SMC6: variants seen among roughly 807,000 people sequenced by gnomAD.
The protein encoded by SMC6 is structural maintenance of chromosomes 6, also known as structural maintenance of chromosomes protein 6.
Under a neutral mutation model 142.2 loss-of-function variants are expected in SMC6, and 79 were observed. The ratio of observed to expected loss-of-function variants is 0.56; its 90% confidence interval spans 0.46 to 0.67. The LOEUF is 0.67. SMC6 is among the 30% of genes least tolerant of loss of function. The pLI, the probability that SMC6 is intolerant of heterozygous loss-of-function variation, is 0.00. For missense variants in SMC6, 1,072 were observed against 1,284.0 expected (o/e 0.83, Z 2.52); for synonymous variants, 411 against 412.4 (o/e 1.00, Z 0.04).
chr2:17,735,347 T>G (rs368234720), intron 5 of SMC6, among the ~76,000 whole-genome samples: 1 of 151,792 alleles, frequency 6.6e-6, no homozygotes, highest in Non-Finnish European at 1.5e-5. Context: ...TCAGGAACAA[T>G]CTATCTACAC....
At chr2:17,680,448 TC>T (rs1667190629) in intron 24 of SMC6, 2 of 152,210 alleles carry the variant, frequency 1.3e-5, no homozygotes, top group African/African-American at 4.8e-5. Flanking sequence ...ATGAGTCCTT[TC>T]CAGAAGGTTT....
rs1668553455 is a variant in SMC6 at position 17,707,265 on chromosome 2, T to C, written c.1960A>G (p.Asn654Asp). Residue 654 changes from asparagine to aspartate, a missense_variant, in exon 18 of 28, where the codon AAT becomes GAT. Physicochemically the swap from Asn to Asp is conservative, Grantham distance 23. Coordinates refer to ENST00000448223, the MANE Select transcript of SMC6 (RefSeq NM_001142286.2). The part of the protein sequence containing the change: ...VFAGRYYSSE[N>D]TRPKFLSRDV... Reference sequence around the variant, plus strand: ...CTGCTTAGGAACTTAGGTCTTGTATTTTCAGATGAATAATAACGTCCTGCA... The same window carrying C: ...CTGCTTAGGAACTTAGGTCTTGTATCTTCAGATGAATAATAACGTCCTGCA... The C allele has an allele frequency of 2.5e-6, 4 of 1,601,412 alleles. No individual in the cohort carries two copies. The highest frequency in any genetic ancestry group is 3.4e-6 in the Non-Finnish European group (4 of 1,174,792).
chr2:17,703,063 GA>G, intron 19 of SMC6, 93 bp downstream of exon 19: 1 of 778,620 alleles, frequency 1.3e-6, no homozygotes, highest in Non-Finnish European at 1.9e-6. Flanking sequence ...AAAGGTTTGA[GA>G]ATTGCTTGGA....
rs140255816 is a variant in SMC6 at position 17,746,703 on chromosome 2, C to T, written c.-5-752G>A. ...CATGATTTTGCTAAACATATGAATACTGGATCTCCAGTCAAAGCTGATAGT... is the reference window on the plus strand; with the variant it reads ...CATGATTTTGCTAAACATATGAATATTGGATCTCCAGTCAAAGCTGATAGT... On this transcript the variant is annotated intron_variant, in intron 2 of 27. Transcript: ENST00000448223. Among the ~76,000 whole-genome samples, 244 of 152,246 alleles carry T rather than the reference C, an allele frequency of 1.6e-3. 3 individuals are homozygous for T. In the East Asian group the frequency reaches 0.037, roughly 23 times the overall value.
At chr2:17,668,759 G>A (rs1003058456) in intron 26 of SMC6, among the ~76,000 whole-genome samples, 1 of 152,104 alleles carries the variant, frequency 6.6e-6, no homozygotes, top group African/African-American at 2.4e-5. Context: ...GGCATACCAG[G>A]CAGAGGCACC....
In SMC6 at chr2:17,731,859, T is replaced by A. The variant is rs1303043131; in HGVS notation, c.363A>T (p.Ile121=). 1 of 1,613,458 alleles carries A rather than the reference T, an allele frequency of 6.2e-7. No homozygotes were observed. The highest frequency in any genetic ancestry group is 2.2e-5 in the East Asian group (1 of 44,804). The change falls in exon 6 of 28, where the codon ATA becomes ATT. Residue 121 remains isoleucine, a synonymous_variant. Transcript: ENST00000448223. ...CATCATCTCCTCTGTTCCTCAATGT[T>A]ATTGAGATATCTGCAGAGCTGAAAG... is the stretch of plus-strand genomic sequence containing the variant. ...KDGQNSADIS[I]TLRNRGDDAF...
At position 17,732,696 on chromosome 2, in the gene SMC6, C is replaced by T. The variant is rs183886298; in HGVS notation, c.345-819G>A. Among the ~76,000 whole-genome samples, 764 of 105,816 alleles carry T rather than the reference C, an allele frequency of 7.2e-3. 4 individuals carry two copies. Among genetic ancestry groups the T allele is most frequent in the Non-Finnish European group, 7.7e-3 (420 of 54,504 alleles). The allele number at this position is 105,816 out of a possible 152,430, so 69.4% of individuals were successfully genotyped here. The stretch of plus-strand genomic sequence containing the variant: ...CCTGGGCGACAGAGAGAGACTCGGT[C>T]TCAAAAAAAAAAAAGAAAAAAGAAA... On this transcript the variant is annotated intron_variant, in intron 5 of 27. Transcript: ENST00000448223.
At chr2:17,706,896 T>G (rs967832288) in intron 18 of SMC6, among the ~76,000 whole-genome samples, 1 of 152,136 alleles carries the variant, frequency 6.6e-6, no homozygotes, top group African/African-American at 2.4e-5. Flanking sequence ...TAGGCAAAAC[T>G]AAACAGTGAG....
At chr2:17,704,182 A>G (rs1218670684) in intron 18 of SMC6, among the ~76,000 whole-genome samples, 2 of 152,172 alleles carry the variant, frequency 1.3e-5, no homozygotes, top group African/African-American at 2.4e-5. Context: ...CTACAGGAGC[A>G]TAAGAGTTAA....
intron 4 of SMC6, among the ~76,000 whole-genome samples, chr2:17,739,652 T>A (rs950987886): frequency 1.5e-4 from 22 of 151,498 alleles, no homozygotes; most frequent in East Asian, 1.2e-3. Flanking sequence ...CTCAAAAAAA[T>A]AAATAAATAA....
chr2:17,703,921 A>G (rs1260705181), intron 18 of SMC6, among the ~76,000 whole-genome samples: 1 of 152,140 alleles, frequency 6.6e-6, no homozygotes, highest in African/African-American at 2.4e-5. Flanking sequence ...TAAGGCTTCC[A>G]GTCAACAGTA....
intron 2 of SMC6, among the ~76,000 whole-genome samples, chr2:17,750,742 T>A (rs74742903): frequency 0.019 from 2,915 of 152,250 alleles, 94 homozygotes; most frequent in African/African-American, 0.066. Flanking sequence ...GGCTCATGCC[T>A]GCAATCTCAG....
intron 21 of SMC6, 75 bp downstream of exon 21, chr2:17,700,129 GGCCA>G: frequency 1.1e-6 from 1 of 942,738 alleles, no homozygotes; most frequent in Non-Finnish European, 1.5e-6. Context: ...AATTCTTTTA[GGCCA>G]ATATCCATAG....
Position 17,683,655 on chromosome 2 carries a change from T to G in SMC6, c.2787A>C (p.Thr929=). ...GTACTTACCTTCTAAATTGTTGATATGTCTTGAATCTGTGCTCCATGATTT... is the reference window on the plus strand; with the variant it reads ...GTACTTACCTTCTAAATTGTTGATAGGTCTTGAATCTGTGCTCCATGATTT... The part of the protein sequence containing the change: ...LGEIMEHRFK[T]YQQFRRCLTL... The change falls in exon 24 of 28, where the codon ACA becomes ACC. Residue 929 remains threonine (T), a synonymous_variant. Coordinates refer to ENST00000448223, the MANE Select transcript of SMC6 (RefSeq NM_001142286.2). 1.9e-6 allele frequency: 3 copies of G among 1,610,942 alleles called. No homozygotes were observed. The highest frequency in any genetic ancestry group is 2.5e-6 in the Non-Finnish European group (3 of 1,178,026).
At chr2:17,748,835 A>G (rs6747830) in intron 2 of SMC6, among the ~76,000 whole-genome samples, 5,468 of 152,316 alleles carry the variant, frequency 0.036, 282 homozygotes, top group African/African-American at 0.11. Flanking sequence ...GCACTCAGAC[A>G]TAAGCTAATG....
At chr2:17,743,110 G>A (rs763188940) in intron 3 of SMC6, among the ~76,000 whole-genome samples, 1 of 152,194 alleles carries the variant, frequency 6.6e-6, no homozygotes, top group East Asian at 1.9e-4. Context: ...CCTTTTTATT[G>A]TTAAGCTATA....
At position 17,752,974 on chromosome 2, in the gene SMC6, T is replaced by G. The variant is rs970919610; in HGVS notation, c.-6+4A>C. 2.0e-6 allele frequency: 2 copies of G among 978,152 alleles called. No homozygotes were observed. The highest frequency in any genetic ancestry group is 3.5e-5 in the African/African-American group (2 of 57,048). The allele number at this position is 978,152 out of a possible 1,614,324, so 60.6% of individuals were successfully genotyped here. Reference sequence around the variant, plus strand: ...GATTGCTCTAAGAATTTTCACAGTATTACCTCAAACCCTATTGGTTCTACA... The same window carrying G: ...GATTGCTCTAAGAATTTTCACAGTAGTACCTCAAACCCTATTGGTTCTACA... On this transcript the variant is annotated splice_donor_region_variant and intron_variant, in intron 2 of 27. Transcript: ENST00000448223.
At chr2:17,721,377 T>A in intron 9 of SMC6, 116 bp from the exon 10 acceptor site, 2 of 986,526 alleles carry the variant, frequency 2.0e-6, no homozygotes, top group Non-Finnish European at 2.8e-6. Context: ...AATATTCGTT[T>A]AAAAATAACT....
intron 23 of SMC6, among the ~76,000 whole-genome samples, chr2:17,691,313 GGTGTGTGTGTGTGTGT>G (rs770630585): frequency 2.0e-5 from 2 of 101,670 alleles, no homozygotes; most frequent in Admixed American, 1.7e-4. Flanking sequence ...ATAGTATTCT[GGTGTGTGTGTGTGTGT>G]GTGTCTCTGT....
Sources: gnomAD v4.1 joint callset for allele counts (sites outside exome capture counted in the v4.1 genomes callset) on GRCh38, gnomAD v4.1.1 for gene constraint, MANE v1.5 for transcripts, NCBI Gene and HGNC (gene_info 2026-07-23, HGNC 2026-07-21) for gene names.